FLT4: variants seen among roughly 807,000 people sequenced by gnomAD.
FLT4 encodes the protein fms related receptor tyrosine kinase 4.
FLT4 carries 30 observed loss-of-function variants against 163.2 expected under a neutral mutation model. The observed-to-expected ratio is 0.18, with a 90% CI of 0.14 to 0.25. FLT4 has a LOEUF of 0.25. Among genes scored for constraint, FLT4 ranks in the 10% least tolerant of loss-of-function variants. The pLI, the probability that FLT4 is intolerant of heterozygous loss-of-function variation, is 1.00. For synonymous variants in FLT4, 884 were observed against 789.5 expected, an observed-to-expected ratio of 1.12 and a Z score of -2.01; for missense variants, 1,510 against 1,863.8, an observed-to-expected ratio of 0.81 and a Z score of 3.50.
In FLT4 at chr5:180,621,005, C is replaced by A. The variant is rs776391360; in HGVS notation, c.2170G>T (p.Val724Phe). 6.2e-7 allele frequency: 1 copy of A among 1,611,536 alleles called. No homozygotes were observed. The highest frequency in any genetic ancestry group is 8.5e-7 in the Non-Finnish European group (1 of 1,179,058). Residue 724 changes from valine (V) to phenylalanine (F), a missense_variant and splice_region_variant, in exon 15 of 30, where the codon GTC becomes TTC. This residue lies in a region of FLT4 where 878 missense variants were observed against 1,016.7 expected (regional missense o/e 0.86). Coordinates refer to ENST00000261937, the MANE Select transcript of FLT4 (RefSeq NM_182925.5). ...DERLLEEKSG[V>F]DLADSNQKLS... ...TTCTGGTTGGAGTCCGCCAAGTCGA[C>A]TCCTGCAGGGGGTGGGGTGGAGGTG...
At chr5:180,605,332 T>C (rs934009767) in intron 29 of FLT4, among the ~76,000 whole-genome samples, 8 of 152,196 alleles carry the variant, frequency 5.3e-5, no homozygotes, top group Admixed American at 4.6e-4. Flanking sequence ...ACATTGTCCG[T>C]CCATTTCTAT....
intron 19 of FLT4, 69 bp downstream of exon 19, chr5:180,619,184 G>T: frequency 7.6e-7 from 1 of 1,310,512 alleles, no homozygotes; most frequent in Admixed American, 3.9e-5. Flanking sequence ...GTTTGCACCC[G>T]CGCCCCCTCC....
Position 180,620,124 on chromosome 5 carries a change from G to A in FLT4, c.2542+49C>T, listed in dbSNP as rs907848328. On this transcript the variant is annotated intron_variant, in intron 17 of 29. Coordinates refer to ENST00000261937, the MANE Select transcript of FLT4 (RefSeq NM_182925.5). This position sits in a 1 kb window ranked among gnomAD's most constrained non-coding sequence, Gnocchi z 4.4. ...GATTCAGGCACTCCGGCCTGCAGCA[G>A]GTGGGTCGGGCAGGAGGTGTGGGTT... The A allele has an allele frequency of 8.2e-6, 13 of 1,582,570 alleles. No individual in the cohort carries two copies. In the East Asian group the frequency reaches 2.7e-4, roughly 33 times the overall value.
At position 180,630,968 on chromosome 5, in the gene FLT4, AC is replaced by A. The variant is rs1764076478; in HGVS notation, c.156-170del. On this transcript the variant is annotated intron_variant, in intron 2 of 29. Transcript: ENST00000261937. This position sits in a 1 kb window ranked among gnomAD's most constrained non-coding sequence, Gnocchi z 6.3. ...CGTGCCCAGGGCAGGGCACTCCCCG[AC>A]CCCCGGGCCTCTACCAGGCTCCCGG... 6.6e-6 allele frequency among the ~76,000 whole-genome samples: 1 copy of A among 150,902 alleles called. No individual in the cohort carries two copies. Among genetic ancestry groups the A allele is most frequent in the African/African-American group, 2.4e-5 (1 of 41,020 alleles).
Position 180,630,131 on chromosome 5 carries a change from GC to G in FLT4, c.514-27del, listed in dbSNP as rs371230826. ...CTGGAGGGACAAGGCCACCATCATT[GC>G]CCAGCTGCCCCTTGCTCCTGGCCAG... is the stretch of plus-strand genomic sequence containing the variant. On this transcript the variant is annotated intron_variant, in intron 4 of 29. Transcript: ENST00000261937. This position sits in a 1 kb window ranked among gnomAD's most constrained non-coding sequence, Gnocchi z 6.3. 1.7e-4 allele frequency: 252 copies of G among 1,481,322 alleles called. 1 individual carries two copies. The Middle Eastern group carries it at 3.0e-3, about 18-fold the overall frequency. The allele number at this position is 1,481,322 out of a possible 1,614,324, so 91.8% of individuals were successfully genotyped here.
In FLT4 at chr5:180,608,744, T is replaced by C. The variant is rs546387967; in HGVS notation, c.3893+224A>G. ...TGAGCTCTGTCAGATGACAGGGAGG[T>C]GTCGGGACCAGCGCCCACGTGGCCA... On this transcript the variant is annotated intron_variant, in intron 29 of 29. Transcript: ENST00000261937. Among the ~76,000 whole-genome samples, 627 of 151,846 alleles carry C rather than the reference T, an allele frequency of 4.1e-3. 4 individuals are homozygous for C. Among genetic ancestry groups the C allele is most frequent in the African/African-American group, 0.014 (592 of 41,370 alleles).
intron 28 of FLT4, chr5:180,609,261 G>C (rs1483530405): frequency 3.2e-6 from 2 of 619,538 alleles, no homozygotes; most frequent in Non-Finnish European, 5.9e-6. Context: ...TGAGGTCAGG[G>C]GGGCTGTGTG....
At chr5:180,627,879 C>T (rs984189081) in intron 8 of FLT4, among the ~76,000 whole-genome samples, 2 of 152,228 alleles carry the variant, frequency 1.3e-5, no homozygotes, top group African/African-American at 4.8e-5. Flanking sequence ...GGCCTTGGCA[C>T]TGACCAGGTG....
At chr5:180,647,297 C>G (rs1286098568) in intron 1 of FLT4, among the ~76,000 whole-genome samples, 2 of 152,172 alleles carry the variant, frequency 1.3e-5, no homozygotes, top group African/African-American at 4.8e-5. Flanking sequence ...TGGAGTCCAG[C>G]CCAAGCACAC....
chr5:180,622,975 C>CA, intron 11 of FLT4, 136 bp from the exon 12 acceptor site: 1 of 710,022 alleles, frequency 1.4e-6, no homozygotes, highest in African/African-American at 1.7e-5. Context: ...TGGAGAAGAC[C>CA]AAAACTCACA....
chr5:180,628,864 G>GAA lies in FLT4; in HGVS notation c.1103+17_1103+18insTT. 6.5e-7 allele frequency: 1 copy of GAA among 1,547,524 alleles called. No individual in the cohort carries two copies. The highest frequency in any genetic ancestry group is 8.8e-7 in the Non-Finnish European group (1 of 1,131,108). ...TGGAAGGGTATCGGCGGGGTCGGTG[G>GAA]GGAGCCAGGGCTGTTACCACTGGAA... On this transcript the variant is annotated intron_variant, in intron 8 of 29. Coordinates refer to ENST00000261937, the MANE Select transcript of FLT4 (RefSeq NM_182925.5).
intron 26 of FLT4, 129 bp from the exon 27 acceptor site, chr5:180,611,608 A>T: frequency 2.1e-6 from 2 of 954,428 alleles, no homozygotes; most frequent in Non-Finnish European, 3.0e-6. Context: ...CCCCGCACTC[A>T]GCTCTCGCCC....
At position 180,630,169 on chromosome 5, in the gene FLT4, C is replaced by A; in HGVS notation, c.513+56G>T. Reference sequence around the variant, plus strand: ...TTGCTCCTGGCCAGACAGGCGGCCGCCTTTCCCAGGGGTGGGATGGGAGGG... The same window carrying A: ...TTGCTCCTGGCCAGACAGGCGGCCGACTTTCCCAGGGGTGGGATGGGAGGG... On this transcript the variant is annotated intron_variant, in intron 4 of 29. Transcript: ENST00000261937. The surrounding 1 kb of genome is among the most constrained non-coding windows in gnomAD (Gnocchi z 6.3). The A allele has an allele frequency of 6.2e-7, 1 of 1,608,756 alleles. No homozygotes were observed. Among genetic ancestry groups the A allele is most frequent in the Non-Finnish European group, 8.5e-7 (1 of 1,177,180 alleles).
chr5:180,634,336 G>A (rs1764391742), intron 1 of FLT4, among the ~76,000 whole-genome samples: 1 of 152,198 alleles, frequency 6.6e-6, no homozygotes, highest in Non-Finnish European at 1.5e-5. Flanking sequence ...CATCTGAACA[G>A]AGGCTCAATT....
intron 1 of FLT4, among the ~76,000 whole-genome samples, chr5:180,645,650 G>A (rs1026607325): frequency 3.3e-5 from 5 of 152,194 alleles, no homozygotes; most frequent in African/African-American, 1.2e-4. Context: ...GCGGGCCTCA[G>A]ACAGGGCCGG....
At position 180,623,247 on chromosome 5, in the gene FLT4, G is replaced by A. The variant is rs866449278; in HGVS notation, c.1549-408C>T. On this transcript the variant is annotated intron_variant, in intron 11 of 29. Transcript: ENST00000261937. This position sits in a 1 kb window ranked among gnomAD's most constrained non-coding sequence, Gnocchi z 5.8. ...GGATGGGGTCAGGCCCAATCCAGTC[G>A]CTGCTTGCTGAGATCCTCGTGAGAT... 6.6e-6 allele frequency among the ~76,000 whole-genome samples: 1 copy of A among 152,166 alleles called. No homozygotes were observed. The highest frequency in any genetic ancestry group is 2.4e-5 in the African/African-American group (1 of 41,432).
rs1561769539 is a variant in FLT4 at position 180,649,571 on chromosome 5, C to T, written c.-26G>A. 1 of 1,373,084 alleles carries T rather than the reference C, an allele frequency of 7.3e-7. No individual in the cohort carries two copies. The highest frequency in any genetic ancestry group is 9.4e-7 in the Non-Finnish European group (1 of 1,058,500). The allele number at this position is 1,373,084 out of a possible 1,614,324, so 85.1% of individuals were successfully genotyped here. On this transcript the variant is annotated 5_prime_UTR_variant, in exon 1 of 30. Coordinates refer to ENST00000261937, the MANE Select transcript of FLT4 (RefSeq NM_182925.5). ...CTCCGGCCGCTGCGCGTGGGTCCGA[C>T]CCGAGCGGCCGCGGCTCGGGGCTGA...
rs780355335 is a variant in FLT4 at position 180,624,026 on chromosome 5, C to T, written c.1457G>A (p.Cys486Tyr). The part of the protein sequence containing the change: ...RRQQQDLMPQ[C>Y]RDWRAVTTQD... ...CGTGGTCACCGCCCTCCAGTCACGGCACTGTGGCATGAGGTCTTGCTGCTG... is the reference window on the plus strand; with the variant it reads ...CGTGGTCACCGCCCTCCAGTCACGGTACTGTGGCATGAGGTCTTGCTGCTG... Residue 486 changes from cysteine to tyrosine, a missense_variant, in exon 11 of 30, where the codon TGC (cysteine) becomes TAC (tyrosine). Physicochemically the swap from Cys to Tyr is radical, Grantham distance 194 (BLOSUM62 -2). This residue lies in a region of FLT4 where 878 missense variants were observed against 1,016.7 expected (regional missense o/e 0.86). Transcript: ENST00000261937. The T allele has an allele frequency of 1.2e-6, 2 of 1,613,340 alleles. No homozygotes were observed. Among genetic ancestry groups the T allele is most frequent in the Non-Finnish European group, 1.7e-6 (2 of 1,179,996 alleles).
Position 180,601,621 on chromosome 5 carries a change from C to G in FLT4, c.*1571G>C, listed in dbSNP as rs879541932. On this transcript the variant is annotated 3_prime_UTR_variant, in exon 30 of 30. Transcript: ENST00000261937. Reference sequence around the variant, plus strand: ...ATAGTAGTTTTTTTCCCGGTACATGCGTGGGTGGGTAGTGAGGAGAAGGGA... The same window carrying G: ...ATAGTAGTTTTTTTCCCGGTACATGGGTGGGTGGGTAGTGAGGAGAAGGGA... 1 of 233,058 alleles carries G rather than the reference C, an allele frequency of 4.3e-6. No homozygotes were observed. The highest frequency in any genetic ancestry group is 8.5e-6 in the Non-Finnish European group (1 of 118,068). The allele number at this position is 233,058 out of a possible 1,614,324, so 14.4% of individuals were successfully genotyped here.
Sources: gnomAD v4.1 joint callset for allele counts (sites outside exome capture counted in the v4.1 genomes callset) on GRCh38, gnomAD v4.1.1 for gene constraint, gnomAD v4.1.1 regional missense constraint, Gnocchi (gnomAD v3.1) non-coding constraint, MANE v1.5 for transcripts, NCBI Gene and HGNC (gene_info 2026-07-23, HGNC 2026-07-21) for gene names.